PLXNA2: variants seen among roughly 807,000 people sequenced by gnomAD.
PLXNA2 encodes plexin-A2.
A neutral mutation model predicts 193.5 loss-of-function variants in PLXNA2; 91 were observed. The ratio of observed to expected loss-of-function variants is 0.47; its 90% CI spans 0.40 to 0.56. The LOEUF (loss-of-function observed/expected upper bound fraction) is 0.56, where lower values mean the gene tolerates loss of function less well. Ranked by LOEUF, PLXNA2 falls within the 20% of genes least tolerant of loss-of-function variation. The pLI is 0.00. For missense variants in PLXNA2, 1,995 were observed against 2,503.2 expected (o/e 0.80, Z 4.33); for synonymous variants, 997 against 1,027.3 (o/e 0.97, Z 0.56).
At chr1:208,046,957 GTTTTTTGT>G (rs1390900332) in intron 17 of PLXNA2, among the ~76,000 whole-genome samples, 1 of 151,934 alleles carries the variant, frequency 6.6e-6, no homozygotes, top group Non-Finnish European at 1.5e-5. Context: ...CTCTCTAAAT[GTTTTTTGT>G]TTTTTTGTTT....
intron 3 of PLXNA2, among the ~76,000 whole-genome samples, chr1:208,163,472 G>C (rs1366161287): frequency 6.6e-6 from 1 of 152,104 alleles, no homozygotes; most frequent in South Asian, 2.1e-4. Context: ...GAGAGAGAGG[G>C]AGCAGTATGG....
chr1:208,111,239 TA>T lies in PLXNA2; in HGVS notation c.1507-7993del, dbSNP rs1667464170. Among the ~76,000 whole-genome samples the T allele has an allele frequency of 2.0e-5, 3 of 152,202 alleles. No individual in the cohort carries two copies. The South Asian group carries it at 6.2e-4, about 32-fold the overall frequency. ...CTAATTAATTTAATTTAATTTAATTTATTTTTTTTGGAGAGACAGAATCTCC... is the reference window on the plus strand; with the variant it reads ...CTAATTAATTTAATTTAATTTAATTTTTTTTTTTGGAGAGACAGAATCTCC... On this transcript the variant is annotated intron_variant, in intron 4 of 31. Transcript: ENST00000367033.
intron 12 of PLXNA2, among the ~76,000 whole-genome samples, chr1:208,062,208 A>C (rs1359738363): frequency 6.6e-6 from 1 of 152,104 alleles, no homozygotes; most frequent in East Asian, 1.9e-4. Context: ...GTGCTGGTGG[A>C]GTGTCCGATG....
chr1:208,046,517 T>A (rs946566175), intron 17 of PLXNA2, among the ~76,000 whole-genome samples: 1 of 151,930 alleles, frequency 6.6e-6, no homozygotes, highest in African/African-American at 2.4e-5. Context: ...AATGCCCTGG[T>A]AGGGAAGTAC....
At chr1:208,069,785 C>T (rs889856999) in intron 12 of PLXNA2, among the ~76,000 whole-genome samples, 2 of 152,250 alleles carry the variant, frequency 1.3e-5, no homozygotes, top group East Asian at 3.9e-4. Context: ...ATAGAGATAG[C>T]GGGAAAGAAG....
chr1:208,186,402 A>G (rs191688457), intron 3 of PLXNA2, among the ~76,000 whole-genome samples: 8 of 152,354 alleles, frequency 5.3e-5, no homozygotes, highest in African/African-American at 1.9e-4. Context: ...TACAAAATGT[A>G]ATTTGGCAAA....
intron 3 of PLXNA2, among the ~76,000 whole-genome samples, chr1:208,150,244 A>C (rs1668717816): frequency 6.6e-6 from 1 of 152,162 alleles, no homozygotes; most frequent in Non-Finnish European, 1.5e-5. Flanking sequence ...ACTGGTCCCC[A>C]ATGAGTTGTT....
intron 1 of PLXNA2, among the ~76,000 whole-genome samples, chr1:208,220,535 C>A (rs965972164): frequency 2.6e-5 from 4 of 151,898 alleles, no homozygotes; most frequent in African/African-American, 9.7e-5. Flanking sequence ...CTGGTTCAAG[C>A]GATTCTGCTG....
intron 8 of PLXNA2, among the ~76,000 whole-genome samples, chr1:208,095,186 T>G (rs1205399400): frequency 2.6e-5 from 4 of 152,230 alleles, no homozygotes; most frequent in Admixed American, 6.5e-5. Context: ...CAGAGGCCTG[T>G]GTTTCCTTCT....
chr1:208,220,319 ATAACTACAG>A (rs906841895), intron 1 of PLXNA2, among the ~76,000 whole-genome samples: 3 of 151,036 alleles, frequency 2.0e-5, no homozygotes, highest in African/African-American at 7.2e-5. Context: ...TAGAATGGGA[ATAACTACAG>A]TATGTACCTT....
rs527236786 is a variant in PLXNA2 at position 208,159,024 on chromosome 1, T to C, written c.1372-16561A>G. Among the ~76,000 whole-genome samples the C allele has an allele frequency of 1.2e-4, 19 of 152,266 alleles. 1 individual carries two copies. The highest frequency in any genetic ancestry group is 1.1e-3 in the Admixed American group (17 of 15,306). On this transcript the variant is annotated intron_variant, in intron 3 of 31. Transcript: ENST00000367033. ...CATGGGAGAGGGAGGGAGAGCCGCA[T>C]AGGCATCTACCCCCACAGGCTAGCT...
At chr1:208,200,460 G>A (rs182336385) in intron 3 of PLXNA2, among the ~76,000 whole-genome samples, 67 of 151,816 alleles carry the variant, frequency 4.4e-4, no homozygotes, top group Non-Finnish European at 8.7e-4. Context: ...AGTATTTGTC[G>A]TTCTGGTTCC....
At chr1:208,035,995 T>C (rs1664660124) in intron 26 of PLXNA2, among the ~76,000 whole-genome samples, 1 of 152,224 alleles carries the variant, frequency 6.6e-6, no homozygotes, top group South Asian at 2.1e-4. Flanking sequence ...CCAAGGACCT[T>C]TGACTCCAGA....
At chr1:208,129,605 T>C (rs1047215991) in intron 4 of PLXNA2, among the ~76,000 whole-genome samples, 7 of 152,202 alleles carry the variant, frequency 4.6e-5, no homozygotes, top group African/African-American at 1.7e-4. Context: ...ACTTGAACAA[T>C]ATTTCTTTGC....
At chr1:208,202,164 G>A (rs1670572304) in intron 3 of PLXNA2, among the ~76,000 whole-genome samples, 2 of 151,900 alleles carry the variant, frequency 1.3e-5, no homozygotes, top group South Asian at 4.2e-4. Flanking sequence ...ATTTTTAGTA[G>A]AGATGGGGTT....
chr1:208,103,194 G>A lies in PLXNA2; in HGVS notation c.1560C>T (p.Cys520=). The A allele has an allele frequency of 6.2e-7, 1 of 1,614,096 alleles. No individual in the cohort carries two copies. Among genetic ancestry groups the A allele is most frequent in the Non-Finnish European group, 8.5e-7 (1 of 1,180,014 alleles). The change falls in exon 5 of 32, where the codon TGC becomes TGT. Residue 520 remains cysteine (C), a synonymous_variant. Coordinates refer to ENST00000367033, the MANE Select transcript of PLXNA2 (RefSeq NM_025179.4). The part of the protein sequence containing the change: ...SCEQYTTCGE[C]LSSGDPHCGW... Reference sequence around the variant, plus strand: ...CACAGTGAGGGTCCCCAGAGCTCAGGCACTCCCCACAAGTCGTATACTGCT... The same window carrying A: ...CACAGTGAGGGTCCCCAGAGCTCAGACACTCCCCACAAGTCGTATACTGCT...
chr1:208,138,057 C>T (rs531386090), intron 4 of PLXNA2, among the ~76,000 whole-genome samples: 4 of 152,138 alleles, frequency 2.6e-5, no homozygotes, highest in Non-Finnish European at 5.9e-5. Flanking sequence ...AAACCCATTC[C>T]CATGATATCT....
In PLXNA2 at chr1:208,109,025, C is replaced by T. The variant is rs79003947; in HGVS notation, c.1507-5778G>A. Among the ~76,000 whole-genome samples the T allele has an allele frequency of 4.2e-3, 634 of 152,344 alleles. 12 individuals carry two copies. The highest frequency in any genetic ancestry group is 0.037 in the East Asian group (191 of 5,184). On this transcript the variant is annotated intron_variant, in intron 4 of 31. Coordinates refer to ENST00000367033, the MANE Select transcript of PLXNA2 (RefSeq NM_025179.4). ...ATCTCTTTCTTCCCTGGAATCTTCC[C>T]TGGAATCTTCCCTGGAATCTGCCCT...
chr1:208,027,276 C>T lies in PLXNA2; in HGVS notation c.5652G>A (p.Glu1884=), dbSNP rs1211412636. The part of the protein sequence containing the change: ...ARRQRLAYKV[E]QLINAMSIES The stretch of plus-strand genomic sequence containing the variant: ...CAATGGACATGGCATTAATGAGCTG[C>T]TCCACCTTATAAGCCAGCCGCTGCC... The change falls in exon 32 of 32, where the codon GAG becomes GAA. Residue 1884 remains glutamate (E), a synonymous_variant. Coordinates refer to ENST00000367033, the MANE Select transcript of PLXNA2 (RefSeq NM_025179.4). The T allele has an allele frequency of 6.2e-6, 10 of 1,613,688 alleles. No homozygotes were observed. The highest frequency in any genetic ancestry group is 8.5e-6 in the Non-Finnish European group (10 of 1,180,010).
Sources: allele counts gnomAD v4.1 joint callset (sites outside exome capture counted in the v4.1 genomes callset), GRCh38; gene constraint gnomAD v4.1.1; transcripts MANE v1.5; gene names NCBI Gene and HGNC (gene_info 2026-07-23, HGNC 2026-07-21).